Variants in WWC2 observed in about 807,000 individuals in gnomAD.
WWC2 encodes the protein protein WWC2.
A neutral mutation model predicts 138.5 loss-of-function variants in WWC2; 101 were observed. The ratio of observed to expected loss-of-function variants is 0.73; its 90% CI spans 0.62 to 0.86. The LOEUF is 0.86. Ranked by LOEUF, WWC2 falls within the 40% of genes least tolerant of loss-of-function variation. The probability of loss-of-function intolerance (pLI) is 0.00; values close to 1 mark genes in which losing one functional copy is unlikely to be tolerated. For missense variants in WWC2, 1,420 were observed against 1,419.4 expected (o/e 1.00, Z -0.01); for synonymous variants, 558 against 538.4 (o/e 1.04, Z -0.50).
At chr4:183,287,914 G>A (rs571067713) in intron 20 of WWC2, among the ~76,000 whole-genome samples, 1 of 152,274 alleles carries the variant, frequency 6.6e-6, no homozygotes, top group East Asian at 1.9e-4. Flanking sequence ...CATAGAAACT[G>A]GCCAACCCTA....
intron 1 of WWC2, among the ~76,000 whole-genome samples, chr4:183,143,102 C>A (rs1733350382): frequency 6.6e-6 from 1 of 152,278 alleles, no homozygotes; most frequent in East Asian, 1.9e-4. Context: ...ATGAGACACT[C>A]ATTTTTGCAG....
intron 16 of WWC2, among the ~76,000 whole-genome samples, chr4:183,274,324 C>T (rs990409233): frequency 1.3e-5 from 2 of 152,192 alleles, no homozygotes; most frequent in Admixed American, 1.3e-4. Context: ...ATACTGTCAT[C>T]ATAACAGTTC....
intron 1 of WWC2, among the ~76,000 whole-genome samples, chr4:183,149,003 C>T (rs1733558330): frequency 6.6e-6 from 1 of 151,928 alleles, no homozygotes; most frequent in Non-Finnish European, 1.5e-5. Context: ...CAAAGTGCCT[C>T]AGTACATACT....
chr4:183,320,276 G>T lies in WWC2; in HGVS notation c.*4547G>T. On this transcript the variant is annotated 3_prime_UTR_variant, in exon 23 of 23. Coordinates refer to ENST00000403733, the MANE Select transcript of WWC2 (RefSeq NM_024949.6). ...TCCTGCCCTTCGGTTGCTGTGAAAA[G>T]AAGTGTGACACTTGTGTTATAACTT... 1 of 1,441,736 alleles carries T rather than the reference G, an allele frequency of 6.9e-7. No individual in the cohort carries two copies. Among genetic ancestry groups the T allele is most frequent in the Non-Finnish European group, 9.5e-7 (1 of 1,050,434 alleles). 89.3% of individuals were successfully genotyped at this position (1,441,736 alleles called of 1,614,324 possible). A position where few individuals can be genotyped will look rare whatever the true frequency, so the allele number is the denominator to read the frequency against.
rs745398547 is a variant in WWC2 at position 183,261,511 on chromosome 4, C to T, written c.1888C>T (p.Pro630Ser). 2 of 1,611,684 alleles carry T rather than the reference C, an allele frequency of 1.2e-6. No homozygotes were observed. The highest frequency in any genetic ancestry group is 4.5e-5 in the East Asian group (2 of 44,854). Residue 630 changes from proline (P) to serine (S), a missense_variant, in exon 11 of 23, where the codon CCA becomes TCA. Transcript: ENST00000403733. ...DKDLNECARE[P>S]LYEGTADVEK... ...AGACCTTAATGAATGTGCTAGGGAGCCATTATATGAAGGAACTGCAGGTAA... is the reference window on the plus strand; with the variant it reads ...AGACCTTAATGAATGTGCTAGGGAGTCATTATATGAAGGAACTGCAGGTAA...
chr4:183,142,415 C>G (rs866950016), intron 1 of WWC2, among the ~76,000 whole-genome samples: 1 of 152,104 alleles, frequency 6.6e-6, no homozygotes, highest in African/African-American at 2.4e-5. Context: ...GTTAAAATTT[C>G]TGAGTCAGTT....
chr4:183,233,127 A>AT (rs200728352), intron 4 of WWC2, among the ~76,000 whole-genome samples: 29 of 40,048 alleles, frequency 7.2e-4, no homozygotes, highest in African/African-American at 1.3e-3. Flanking sequence ...TTTACTGTGT[A>AT]TTTTTTTTTT....
chr4:183,270,767 A>C (rs1353526134), intron 15 of WWC2, among the ~76,000 whole-genome samples: 1 of 152,160 alleles, frequency 6.6e-6, no homozygotes, highest in East Asian at 1.9e-4. Flanking sequence ...CCATCTCAAA[A>C]ATAATAACAA....
At chr4:183,123,689 T>C (rs1732673685) in intron 1 of WWC2, among the ~76,000 whole-genome samples, 1 of 152,160 alleles carries the variant, frequency 6.6e-6, no homozygotes, top group Non-Finnish European at 1.5e-5. Flanking sequence ...TTTATTGGCC[T>C]TCATATTTTT....
intron 20 of WWC2, among the ~76,000 whole-genome samples, chr4:183,287,059 T>A (rs1472101077): frequency 6.6e-6 from 1 of 152,094 alleles, no homozygotes; most frequent in Non-Finnish European, 1.5e-5. Flanking sequence ...TTTGGCACTG[T>A]GGACGGGAGG....
At chr4:183,245,799 T>G (rs1736758935) in intron 6 of WWC2, among the ~76,000 whole-genome samples, 1 of 152,224 alleles carries the variant, frequency 6.6e-6, no homozygotes, top group South Asian at 2.1e-4. Context: ...TAGTGGGTGG[T>G]GGGGCCTGGA....
chr4:183,311,667 C>T (rs1230657302), intron 21 of WWC2, among the ~76,000 whole-genome samples: 1 of 151,520 alleles, frequency 6.6e-6, no homozygotes, highest in African/African-American at 2.4e-5. Flanking sequence ...GCAAGCTCCA[C>T]CTCCCAGGTT....
chr4:183,198,261 TGAAAA>T (rs1735198114), intron 2 of WWC2, among the ~76,000 whole-genome samples: 1 of 152,142 alleles, frequency 6.6e-6, no homozygotes, highest in Non-Finnish European at 1.5e-5. Flanking sequence ...TATAGATAAA[TGAAAA>T]GAAGAAAAAT....
chr4:183,283,008 A>G, intron 18 of WWC2, 102 bp downstream of exon 18: 1 of 1,252,440 alleles, frequency 8.0e-7, no homozygotes, highest in South Asian at 1.8e-5. Flanking sequence ...CCATGTCAGG[A>G]TTTTGTGCCA....
intron 12 of WWC2, 123 bp from the exon 13 acceptor site, chr4:183,265,565 C>T (rs1737474274): frequency 2.0e-6 from 2 of 990,778 alleles, no homozygotes; most frequent in South Asian, 1.5e-5. Context: ...ATCAGTTCCA[C>T]TGGGAGGGCA....
At chr4:183,155,356 G>A (rs953227612) in intron 1 of WWC2, among the ~76,000 whole-genome samples, 1 of 152,104 alleles carries the variant, frequency 6.6e-6, no homozygotes, top group African/African-American at 2.4e-5. Flanking sequence ...GATGAGAGAA[G>A]TAGTTTGGAA....
intron 1 of WWC2, among the ~76,000 whole-genome samples, chr4:183,115,043 A>G (rs1192837194): frequency 6.6e-6 from 1 of 152,136 alleles, no homozygotes; most frequent in Non-Finnish European, 1.5e-5. Flanking sequence ...ACTCTCAAAT[A>G]GGCTGTGATG....
intron 21 of WWC2, among the ~76,000 whole-genome samples, chr4:183,291,173 C>T (rs1351618320): frequency 2.0e-5 from 3 of 152,168 alleles, no homozygotes; most frequent in African/African-American, 7.2e-5. Context: ...TCCAGGTCTA[C>T]GAGAGCAGTG....
chr4:183,293,602 C>T (rs1045230440), intron 21 of WWC2, among the ~76,000 whole-genome samples: 1 of 152,130 alleles, frequency 6.6e-6, no homozygotes, highest in South Asian at 2.1e-4. Context: ...ATTAGGAGTT[C>T]CTAAACAGTG....
Sources: gnomAD v4.1 joint callset for allele counts (sites outside exome capture counted in the v4.1 genomes callset) on GRCh38, gnomAD v4.1.1 for gene constraint, MANE v1.5 for transcripts, NCBI Gene and HGNC (gene_info 2026-07-23, HGNC 2026-07-21) for gene names.